Variants in SETD2 observed in about 807,000 individuals in gnomAD.
The protein encoded by SETD2 is histone-lysine N-methyltransferase SETD2.
In SETD2, 31 loss-of-function variants were observed where a neutral mutation model predicts 242.1. The observed-to-expected ratio is 0.13, with a 90% CI of 0.10 to 0.17. SETD2 has a LOEUF of 0.17. SETD2 is among the 10% of genes least tolerant of loss of function. The pLI, the probability that SETD2 is intolerant of heterozygous loss-of-function variation, is 1.00. For missense variants in SETD2, 2,481 were observed against 3,046.3 expected, an observed-to-expected ratio of 0.81 and a Z score of 4.37; for synonymous variants, 1,006 against 1,066.5, an observed-to-expected ratio of 0.94 and a Z score of 1.11.
At chr3:47,091,056 T>G (rs764633499) in intron 9 of SETD2, among the ~76,000 whole-genome samples, 2 of 152,216 alleles carry the variant, frequency 1.3e-5, no homozygotes, top group African/African-American at 4.8e-5. Context: ...AAAATGTACA[T>G]TTAAGGCTCA....
intron 16 of SETD2, 140 bp downstream of exon 16, chr3:47,046,341 AAAAAAT>A: frequency 1.5e-6 from 1 of 688,714 alleles, no homozygotes; most frequent in Non-Finnish European, 2.1e-6. Context: ...TGTCTCAAAA[AAAAAAT>A]AAAATAAAAT....
chr3:47,030,511 G>T (rs1054856129), intron 18 of SETD2, among the ~76,000 whole-genome samples: 36 of 152,128 alleles, frequency 2.4e-4, no homozygotes, highest in African/African-American at 8.4e-4. Flanking sequence ...GGTATAAAAA[G>T]ATATATTTGA....
In SETD2 at chr3:47,147,917, C is replaced by CAA. The variant is rs547475994; in HGVS notation, c.71+15935_71+15936dup. Among the ~76,000 whole-genome samples the CAA allele has an allele frequency of 3.7e-3, 191 of 51,718 alleles. 2 individuals carry two copies. Among genetic ancestry groups the CAA allele is most frequent in the African/African-American group, 8.7e-3 (121 of 13,882 alleles). The allele number at this position is 51,718 out of a possible 152,430, so 33.9% of individuals were successfully genotyped here. On this transcript the variant is annotated intron_variant, in intron 1 of 20. Coordinates refer to ENST00000409792, the MANE Select transcript of SETD2 (RefSeq NM_014159.7). ...TGGGCGACAGAGCAAGACTCTGTCT[C>CAA]AAAAAAAAAAAAAAAAAAAAAAGAT...
At chr3:47,097,915 A>G in intron 9 of SETD2, 40 bp downstream of exon 9, 1 of 1,605,180 alleles carries the variant, frequency 6.2e-7, no homozygotes, top group African/African-American at 1.3e-5. Flanking sequence ...CGCTTTTTAA[A>G]TTTTTTATTG....
At chr3:47,068,897 C>T (rs1483971548) in intron 12 of SETD2, among the ~76,000 whole-genome samples, 2 of 152,158 alleles carry the variant, frequency 1.3e-5, no homozygotes, top group Non-Finnish European at 2.9e-5. Context: ...CTCCCAGGTT[C>T]AAGCGATTCT....
intron 1 of SETD2, among the ~76,000 whole-genome samples, chr3:47,154,452 A>C (rs1316933753): frequency 1.3e-5 from 2 of 152,120 alleles, no homozygotes; most frequent in African/African-American, 4.8e-5. Context: ...TTATATGTAA[A>C]TGGAAACAAA....
rs2043048043 is a variant in SETD2, at chr3:47,120,820, C to T, written c.3816G>A (p.Gln1272=). ...AAGCTCCATAGCTACTGTCAGGTTG[C>T]TGATACGTGGTAGAAGGCTTTTCTT... ...FSQEKPSTTY[Q]QPDSSYGACG... is the part of the protein sequence containing the mutation. The change falls in exon 3 of 21, where the codon CAG becomes CAA. Residue 1272 remains glutamine (Q), a synonymous_variant. Transcript: ENST00000409792. 1.2e-6 allele frequency: 2 copies of T among 1,614,228 alleles called. No individual in the cohort carries two copies. Among genetic ancestry groups the T allele is most frequent in the Admixed American group, 3.3e-5 (2 of 60,034 alleles).
chr3:47,101,596 T>TTGTG (rs1553694852), intron 7 of SETD2, 41 bp from the exon 8 acceptor site: 3 of 985,710 alleles, frequency 3.0e-6, no homozygotes, highest in African/African-American at 2.0e-5. Flanking sequence ...AGTAACTTAT[T>TTGTG]AGTGTGTGTG....
rs557165522 is a variant in SETD2 at position 47,146,745 on chromosome 3, C to T, written c.71+17109G>A. On this transcript the variant is annotated intron_variant, in intron 1 of 20. Coordinates refer to ENST00000409792, the MANE Select transcript of SETD2 (RefSeq NM_014159.7). ...TGAAGCCAGGAGTTCAAAACCAGCC[C>T]GGGCAACATGGAGAGATCTTGCCTC... 2.6e-5 allele frequency among the ~76,000 whole-genome samples: 4 copies of T among 151,962 alleles called. No homozygotes were observed. The South Asian group carries it at 6.2e-4, about 24-fold the overall frequency.
upstream of SETD2, among the ~76,000 whole-genome samples, chr3:47,164,297 C>T (rs1697607797): frequency 6.6e-6 from 1 of 152,150 alleles, no homozygotes; most frequent in South Asian, 2.1e-4. The surrounding 1 kb of genome is among the most constrained non-coding windows in gnomAD (Gnocchi z 5.4). Context: ...TCCAGGCCGA[C>T]CGTGCCTGTG....
intron 5 of SETD2, among the ~76,000 whole-genome samples, chr3:47,111,769 T>C (rs2042659965): frequency 6.6e-6 from 1 of 151,218 alleles, no homozygotes; most frequent in South Asian, 2.1e-4. Flanking sequence ...AAAAGAACAA[T>C]TTGCTTATCA....
In SETD2 at chr3:47,088,075, C is replaced by T. The variant is rs1198551484; in HGVS notation, c.5277+38G>A. The T allele has an allele frequency of 2.5e-6, 4 of 1,584,840 alleles. No individual in the cohort carries two copies. The Admixed American group carries it at 5.4e-5, about 21-fold the overall frequency. On this transcript the variant is annotated intron_variant, in intron 10 of 20. Transcript: ENST00000409792. Reference sequence around the variant, plus strand: ...CATCTTCATTCATTCATTCCCACCACAAAACCAGAAATAAAAAACAAACAT... The same window carrying T: ...CATCTTCATTCATTCATTCCCACCATAAAACCAGAAATAAAAAACAAACAT...
intron 9 of SETD2, among the ~76,000 whole-genome samples, chr3:47,089,771 G>A (rs1436521046): frequency 1.3e-5 from 2 of 152,122 alleles, no homozygotes; most frequent in Non-Finnish European, 2.9e-5. Context: ...GCCTACATAA[G>A]GGAGTAATTA....
At chr3:47,107,834 C>T (rs971409010) in intron 5 of SETD2, among the ~76,000 whole-genome samples, 12 of 151,864 alleles carry the variant, frequency 7.9e-5, no homozygotes, top group African/African-American at 2.9e-4. Context: ...AAAAATTAGC[C>T]GGCCATGGTA....
Position 47,139,846 on chromosome 3 carries a change from A to C in SETD2, c.72-13183T>G, listed in dbSNP as rs73831479. ...ATTTCAGGTAAAGCACTTTGGAGTAAGTATGCTAACCTGAACTAGCATGAG... is the reference window on the plus strand; with the variant it reads ...ATTTCAGGTAAAGCACTTTGGAGTACGTATGCTAACCTGAACTAGCATGAG... On this transcript the variant is annotated intron_variant, in intron 1 of 20. Coordinates refer to ENST00000409792, the MANE Select transcript of SETD2 (RefSeq NM_014159.7). Among the ~76,000 whole-genome samples the C allele has an allele frequency of 1.9e-3, 285 of 152,316 alleles. 2 individuals are homozygous for C. Among genetic ancestry groups the C allele is most frequent in the African/African-American group, 6.6e-3 (273 of 41,594 alleles).
intron 16 of SETD2, among the ~76,000 whole-genome samples, chr3:47,043,098 A>T (rs1020197438): frequency 2.8e-4 from 43 of 152,140 alleles, no homozygotes; most frequent in African/African-American, 9.9e-4. Flanking sequence ...GAATGTTAAC[A>T]TTATCCATTA....
rs56810001 is a variant in SETD2, at chr3:47,087,964, TAAACAAAC to T, written c.5277+141_5277+148del. 3,828 of 738,806 alleles carry T rather than the reference TAAACAAAC, an allele frequency of 5.2e-3. 47 individuals carry two copies. The highest frequency in any genetic ancestry group is 0.028 in the South Asian group (1,063 of 38,132). The allele number at this position is 738,806 out of a possible 1,614,324, so 45.8% of individuals were successfully genotyped here. On this transcript the variant is annotated intron_variant, in intron 10 of 20. Coordinates refer to ENST00000409792, the MANE Select transcript of SETD2 (RefSeq NM_014159.7). ...CTGGATGACAGAACAAGACCCCATC[TAAACAAAC>T]AAACAAACAAACAAACAAACAAATA...
At chr3:47,125,982 G>A (rs546274173) in intron 2 of SETD2, among the ~76,000 whole-genome samples, 1 of 152,230 alleles carries the variant, frequency 6.6e-6, no homozygotes, top group Non-Finnish European at 1.5e-5. Flanking sequence ...AGTCATTCAA[G>A]TTGGAAAGTA....
chr3:47,050,360 C>T (rs543131258), intron 15 of SETD2, among the ~76,000 whole-genome samples: 1 of 152,060 alleles, frequency 6.6e-6, no homozygotes, highest in African/African-American at 2.4e-5. Context: ...TGTCAGAAGG[C>T]CAGAAGAATT....
Sources: allele counts gnomAD v4.1 joint callset (sites outside exome capture counted in the v4.1 genomes callset), GRCh38; gene constraint gnomAD v4.1.1; non-coding constraint Gnocchi (gnomAD v3.1); transcripts MANE v1.5; gene names NCBI Gene and HGNC (gene_info 2026-07-23, HGNC 2026-07-21).